The following TAFA4 variants were observed in gnomAD, a reference collection of about 807,000 sequenced individuals.
TAFA4 encodes TAFA chemokine like family member 4, also known as chemokine-like protein TAFA-4.
A neutral mutation model predicts 21.1 loss-of-function variants in TAFA4; 20 were observed. That is an observed-to-expected ratio of 0.95 (90% confidence interval 0.67 to 1.38). TAFA4 has a LOEUF of 1.38. TAFA4 is among the 40% of genes most tolerant of loss of function. The pLI, the probability that TAFA4 is intolerant of heterozygous loss-of-function variation, is 0.00. For missense variants in TAFA4, 211 were observed against 180.9 expected (o/e 1.17, Z -0.95); for synonymous variants, 71 against 67.4 (o/e 1.05, Z -0.26).
At chr3:68,864,851 A>T (rs186228261) in intron 3 of TAFA4, among the ~76,000 whole-genome samples, 4 of 152,080 alleles carry the variant, frequency 2.6e-5, no homozygotes, top group East Asian at 3.9e-4. Flanking sequence ...ACAATTATGC[A>T]GAAAGAAACC....
chr3:68,788,617 AT>A lies in TAFA4; in HGVS notation c.131-35600del, dbSNP rs900733020. ...ATAGTTTTAGGCGTTGTGTTTACATATTTTTTTTTTAAGAGACAGGGTCTCA... is the reference window on the plus strand; with the variant it reads ...ATAGTTTTAGGCGTTGTGTTTACATATTTTTTTTTAAGAGACAGGGTCTCA... On this transcript the variant is annotated intron_variant, in intron 3 of 5. Coordinates refer to ENST00000295569, the MANE Select transcript of TAFA4 (RefSeq NM_182522.5). Among the ~76,000 whole-genome samples, 1,168 of 148,278 alleles carry A rather than the reference AT, an allele frequency of 7.9e-3. 15 individuals carry two copies. Among genetic ancestry groups the A allele is most frequent in the African/African-American group, 0.025 (1,035 of 40,646 alleles).
chr3:68,914,708 C>T (rs182520619), intron 1 of TAFA4, among the ~76,000 whole-genome samples: 6 of 152,158 alleles, frequency 3.9e-5, no homozygotes, highest in East Asian at 1.9e-4. Context: ...AAATTAGTGA[C>T]GTTTGGACTT....
chr3:68,897,191 C>T (rs1423716073), intron 1 of TAFA4, among the ~76,000 whole-genome samples: 1 of 152,132 alleles, frequency 6.6e-6, no homozygotes, highest in Non-Finnish European at 1.5e-5. Context: ...TGTGAGCCAC[C>T]ACGCCTGGCC....
chr3:68,926,879 C>A (rs921711789), intron 1 of TAFA4, among the ~76,000 whole-genome samples: 1 of 152,064 alleles, frequency 6.6e-6, no homozygotes, highest in African/African-American at 2.4e-5. Context: ...CCATTGCACT[C>A]CAGCCTGGGT....
intron 4 of TAFA4, among the ~76,000 whole-genome samples, chr3:68,739,869 TGGAAGGGTG>T (rs1702317054): frequency 6.6e-6 from 1 of 152,108 alleles, no homozygotes; most frequent in African/African-American, 2.4e-5. Flanking sequence ...ATTGGAGACT[TGGAAGGGTG>T]GGAAGGACGA....
chr3:68,775,903 G>C (rs1053867052), intron 3 of TAFA4, among the ~76,000 whole-genome samples: 1 of 152,024 alleles, frequency 6.6e-6, no homozygotes, highest in Non-Finnish European at 1.5e-5. Context: ...AATAAAAAAT[G>C]ATGAGATTCA....
chr3:68,765,351 C>T (rs1313267167), intron 3 of TAFA4, among the ~76,000 whole-genome samples: 1 of 152,230 alleles, frequency 6.6e-6, no homozygotes, highest in Non-Finnish European at 1.5e-5. Context: ...GTATTGTTAA[C>T]ATCTTCCCTT....
At chr3:68,901,133 G>C (rs2106984157) in intron 1 of TAFA4, among the ~76,000 whole-genome samples, 1 of 152,160 alleles carries the variant, frequency 6.6e-6, no homozygotes, top group South Asian at 2.1e-4. Flanking sequence ...CCATGCAGGG[G>C]GTACAAAGAA....
intron 3 of TAFA4, among the ~76,000 whole-genome samples, chr3:68,761,045 T>C (rs1702747589): frequency 6.6e-6 from 1 of 152,206 alleles, no homozygotes. Flanking sequence ...CGTTACCTGC[T>C]GGTAACAAAA....
chr3:68,768,674 G>A (rs556449593), intron 3 of TAFA4, among the ~76,000 whole-genome samples: 1 of 152,224 alleles, frequency 6.6e-6, no homozygotes, highest in South Asian at 2.1e-4. Context: ...GAAGAATCAA[G>A]ATATGAAATC....
chr3:68,836,373 A>C (rs1306531566), intron 3 of TAFA4, among the ~76,000 whole-genome samples: 2 of 152,218 alleles, frequency 1.3e-5, no homozygotes, highest in African/African-American at 4.8e-5. Flanking sequence ...ACCACAAGTA[A>C]CATTTATGTC....
intron 3 of TAFA4, among the ~76,000 whole-genome samples, chr3:68,873,628 C>G (rs1011811621): frequency 6.6e-6 from 1 of 152,276 alleles, no homozygotes; most frequent in Admixed American, 6.5e-5. Flanking sequence ...CCACAGGACA[C>G]TTGCAGGGAG....
At chr3:68,802,360 C>G (rs149329126) in intron 3 of TAFA4, among the ~76,000 whole-genome samples, 3 of 151,860 alleles carry the variant, frequency 2.0e-5, no homozygotes, top group Admixed American at 1.3e-4. Flanking sequence ...CAAAATCAAT[C>G]TGTCATCTTT....
intron 3 of TAFA4, among the ~76,000 whole-genome samples, chr3:68,815,611 G>A (rs926894641): frequency 1.3e-5 from 2 of 152,144 alleles, no homozygotes; most frequent in African/African-American, 4.8e-5. Context: ...AAACCACAAC[G>A]AGATGCCATC....
At chr3:68,852,278 A>T (rs921723656) in intron 3 of TAFA4, among the ~76,000 whole-genome samples, 1 of 152,118 alleles carries the variant, frequency 6.6e-6, no homozygotes, top group Non-Finnish European at 1.5e-5. Context: ...TGACAGAATT[A>T]ATGAGTTTGG....
intron 2 of TAFA4, among the ~76,000 whole-genome samples, chr3:68,884,761 C>T (rs927880072): frequency 6.6e-6 from 1 of 152,148 alleles, no homozygotes; most frequent in Non-Finnish European, 1.5e-5. Flanking sequence ...GGCAATGATC[C>T]CTAATCTATC....
chr3:68,908,847 A>G (rs1575668540), intron 1 of TAFA4, among the ~76,000 whole-genome samples: 1 of 152,346 alleles, frequency 6.6e-6, no homozygotes, highest in East Asian at 1.9e-4. Context: ...CCTATTTTTC[A>G]GTTCCATTTA....
chr3:68,751,004 G>A (rs1702548498), intron 4 of TAFA4, among the ~76,000 whole-genome samples: 1 of 152,234 alleles, frequency 6.6e-6, no homozygotes, highest in African/African-American at 2.4e-5. Context: ...TCATGAACTG[G>A]AAATCCAGGG....
At chr3:68,771,012 C>T (rs1333465241) in intron 3 of TAFA4, among the ~76,000 whole-genome samples, 6 of 152,226 alleles carry the variant, frequency 3.9e-5, no homozygotes, top group South Asian at 4.2e-4. Flanking sequence ...AACAGCAGAA[C>T]GACTCGGACA....
Sources: gnomAD v4.1 joint callset for allele counts (sites outside exome capture counted in the v4.1 genomes callset) on GRCh38, gnomAD v4.1.1 for gene constraint, MANE v1.5 for transcripts, NCBI Gene and HGNC (gene_info 2026-07-23, HGNC 2026-07-21) for gene names.